DGUOK: variants seen among roughly 807,000 people sequenced by gnomAD.
The protein encoded by DGUOK is deoxyguanosine kinase, mitochondrial.
A neutral mutation model predicts 36.6 loss-of-function variants in DGUOK; 30 were observed. The observed-to-expected ratio is 0.82, with a 90% CI of 0.61 to 1.11. DGUOK has a LOEUF of 1.11. Ranked by LOEUF, DGUOK falls within the 50% of genes most tolerant of loss-of-function variation. The probability of loss-of-function intolerance (pLI) is 0.00; values close to 1 mark genes in which losing one functional copy is unlikely to be tolerated. For missense variants in DGUOK, 361 were observed against 336.4 expected (o/e 1.07, Z -0.57); for synonymous variants, 145 against 126.3 (o/e 1.15, Z -0.99).
intron 2 of DGUOK, among the ~76,000 whole-genome samples, chr2:73,946,276 T>G (rs1452667719): frequency 6.6e-6 from 1 of 152,220 alleles, no homozygotes; most frequent in African/African-American, 2.4e-5. Context: ...CTGGTTTGCC[T>G]TGACATTTTA....
chr2:73,949,479 T>C (rs1682557358), intron 3 of DGUOK, among the ~76,000 whole-genome samples: 1 of 152,226 alleles, frequency 6.6e-6, no homozygotes. Context: ...CCAGTCACTC[T>C]TCTAAGCACT....
chr2:73,953,107 C>T (rs989336965), intron 4 of DGUOK, among the ~76,000 whole-genome samples: 16 of 152,038 alleles, frequency 1.1e-4, no homozygotes, highest in Middle Eastern at 3.2e-3. Flanking sequence ...GAACTCATTC[C>T]GGCGAGAATT....
chr2:73,954,139 T>C (rs1028465093), intron 4 of DGUOK, among the ~76,000 whole-genome samples: 4 of 151,592 alleles, frequency 2.6e-5, no homozygotes, highest in South Asian at 4.2e-4. Flanking sequence ...CCCAGGAGTT[T>C]AAGACCCACC....
In DGUOK at chr2:73,943,407, C is replaced by T. The variant is rs192965944; in HGVS notation, c.256-3312C>T. Among the ~76,000 whole-genome samples, 5 of 151,396 alleles carry T rather than the reference C, an allele frequency of 3.3e-5. No individual in the cohort carries two copies. In the East Asian group the frequency reaches 7.8e-4, roughly 24 times the overall value. On this transcript the variant is annotated intron_variant, in intron 2 of 6. Transcript: ENST00000264093. ...GAACTCCTGGGCTCAAGCGACCCTTCCACCTCGGACTCCCAAGGTGTTGGG... is the reference window on the plus strand; with the variant it reads ...GAACTCCTGGGCTCAAGCGACCCTTTCACCTCGGACTCCCAAGGTGTTGGG...
At chr2:73,956,692 C>T (rs1455544182) in intron 4 of DGUOK, among the ~76,000 whole-genome samples, 1 of 152,168 alleles carries the variant, frequency 6.6e-6, no homozygotes, top group Non-Finnish European at 1.5e-5. Flanking sequence ...TTCCCTGCCT[C>T]CAGGAGGCAG....
intron 1 of DGUOK, chr2:73,932,831 G>A (rs1195659488): frequency 3.0e-6 from 1 of 334,938 alleles, no homozygotes; most frequent in African/African-American, 2.2e-5. Flanking sequence ...CATATAAGAT[G>A]TGTGATTGAA....
intron 1 of DGUOK, among the ~76,000 whole-genome samples, chr2:73,938,113 A>G (rs1039205349): frequency 2.6e-5 from 4 of 152,166 alleles, no homozygotes; most frequent in Admixed American, 6.5e-5. Flanking sequence ...CCACTTCTCC[A>G]TCACTTGCTC....
chr2:73,955,575 T>C (rs556749624), intron 4 of DGUOK, among the ~76,000 whole-genome samples: 61 of 152,278 alleles, frequency 4.0e-4, no homozygotes, highest in Middle Eastern at 6.8e-3. Context: ...AAGTAAGTTA[T>C]TGAAAGAGGG....
intron 3 of DGUOK, 64 bp from the exon 4 acceptor site, chr2:73,950,521 C>T: frequency 6.4e-7 from 1 of 1,563,002 alleles, no homozygotes; most frequent in Non-Finnish European, 8.8e-7. Context: ...CTCTCTCTCT[C>T]TCGTGCCTTT....
chr2:73,954,431 AG>A (rs1157438748), intron 4 of DGUOK, among the ~76,000 whole-genome samples: 1 of 152,036 alleles, frequency 6.6e-6, no homozygotes, highest in Non-Finnish European at 1.5e-5. Context: ...GCACTTTGGG[AG>A]GCTGAGATGG....
In DGUOK at chr2:73,950,601, A is replaced by T; in HGVS notation, c.460A>T (p.Asn154Tyr). Residue 154 changes from asparagine (N) to tyrosine (Y), a missense_variant, in exon 4 of 7, where the codon AAT becomes TAT. By Grantham distance (143) the Asn-to-Tyr change is moderately radical. Transcript: ENST00000264093. ...VYSDRYIFAK[N>Y]LFENGSLSDI... ...TCCAACCAGGTATATCTTTGCAAAGAATCTTTTTGAAAATGGTTCCCTCAG... is the reference window on the plus strand; with the variant it reads ...TCCAACCAGGTATATCTTTGCAAAGTATCTTTTTGAAAATGGTTCCCTCAG... 1 of 1,614,116 alleles carries T rather than the reference A, an allele frequency of 6.2e-7. No homozygotes were observed. The highest frequency in any genetic ancestry group is 1.1e-5 in the South Asian group (1 of 91,080).
chr2:73,956,980 C>G, intron 4 of DGUOK, 145 bp from the exon 5 acceptor site: 28 of 521,542 alleles, frequency 5.4e-5, no homozygotes, highest in South Asian at 2.3e-4. Flanking sequence ...CCTCTGATTG[C>G]ATAAGAAAAC....
Position 73,946,615 on chromosome 2 carries a change from T to C in DGUOK, c.256-104T>C. The C allele has an allele frequency of 2.9e-6, 3 of 1,040,486 alleles. No homozygotes were observed. The African/African-American group carries it at 4.7e-5, about 16-fold the overall frequency. The allele number at this position is 1,040,486 out of a possible 1,614,324, so 64.5% of individuals were successfully genotyped here. A position where few individuals can be genotyped will look rare whatever the true frequency, so the allele number is the denominator to read the frequency against. On this transcript the variant is annotated intron_variant, in intron 2 of 6. Transcript: ENST00000264093. ...CTTTTGTAATTTCTTCTTTCATTGA[T>C]TATTAAACCTGTTTGGGGAGGTAGG...
intron 1 of DGUOK, 39 bp downstream of exon 1, chr2:73,927,091 C>A: frequency 6.2e-7 from 1 of 1,602,882 alleles, no homozygotes; most frequent in Non-Finnish European, 8.5e-7. Context: ...TTGGCCTCCG[C>A]CACGCAGGCG....
chr2:73,950,799 C>T, intron 4 of DGUOK, 67 bp downstream of exon 4: 1 of 1,599,898 alleles, frequency 6.3e-7, no homozygotes, highest in Non-Finnish European at 8.6e-7. Flanking sequence ...ATTCTCCAAG[C>T]CCCTGATTTT....
chr2:73,958,662 T>A, intron 6 of DGUOK, 48 bp from the exon 7 acceptor site: 1 of 1,555,614 alleles, frequency 6.4e-7, no homozygotes, highest in South Asian at 1.1e-5. Flanking sequence ...CCATTGAAAA[T>A]TCTGTTAAAA....
At chr2:73,933,145 A>G (rs1370166895) in intron 1 of DGUOK, among the ~76,000 whole-genome samples, 2 of 152,224 alleles carry the variant, frequency 1.3e-5, no homozygotes, top group Non-Finnish European at 2.9e-5. Context: ...CCAGCATTCA[A>G]AATTAGTGAC....
chr2:73,950,228 T>C (rs1432594533), intron 3 of DGUOK, among the ~76,000 whole-genome samples: 1 of 152,188 alleles, frequency 6.6e-6, no homozygotes, highest in African/African-American at 2.4e-5. Context: ...ATCTCAAAAG[T>C]TCAAGTTTAC....
rs1353063366 is a variant in DGUOK at position 73,958,180 on chromosome 2, C to T, written c.742C>T (p.Leu248=). 1 of 1,613,672 alleles carries T rather than the reference C, an allele frequency of 6.2e-7. No homozygotes were observed. The highest frequency in any genetic ancestry group is 8.5e-7 in the Non-Finnish European group (1 of 1,179,802). ...HFEALMNIPV[L]VLDVNDDFSE... ...TGAGGCTCTGATGAACATTCCAGTG[C>T]TGGTGTTGGATGTCAATGATGATTT... Residue 248 remains leucine (L), a synonymous_variant, in exon 6 of 7, where the codon CTG becomes TTG. Coordinates refer to ENST00000264093, the MANE Select transcript of DGUOK (RefSeq NM_080916.3).
Sources: allele counts gnomAD v4.1 joint callset (sites outside exome capture counted in the v4.1 genomes callset), GRCh38; gene constraint gnomAD v4.1.1; transcripts MANE v1.5; gene names NCBI Gene and HGNC (gene_info 2026-07-23, HGNC 2026-07-21).